The following FHL2 variants were observed in gnomAD, a reference collection of about 807,000 sequenced individuals.
FHL2 encodes the protein four and a half LIM domains protein 2.
FHL2 carries 20 observed loss-of-function variants against 32.7 expected under a neutral mutation model. The observed-to-expected ratio is 0.61, with a 90% CI of 0.43 to 0.89. The LOEUF (loss-of-function observed/expected upper bound fraction) is 0.89. Among genes scored for constraint, FHL2 ranks in the 40% least tolerant of loss-of-function variants. The pLI is 0.00. For missense variants in FHL2, 311 were observed against 358.6 expected (o/e 0.87, Z 1.07); for synonymous variants, 123 against 128.1 (o/e 0.96, Z 0.27).
chr2:105,428,104 G>A (rs1157642415), intron 1 of FHL2, among the ~76,000 whole-genome samples: 1 of 152,196 alleles, frequency 6.6e-6, no homozygotes, highest in Admixed American at 6.5e-5. Flanking sequence ...AGAACTCATG[G>A]TCATAAAAGG....
intron 1 of FHL2, among the ~76,000 whole-genome samples, chr2:105,407,002 G>A (rs917391362): frequency 3.3e-5 from 5 of 152,234 alleles, no homozygotes; most frequent in African/African-American, 1.2e-4. Flanking sequence ...AGAGGAGACT[G>A]TGAGCTCCTT....
intron 1 of FHL2, among the ~76,000 whole-genome samples, chr2:105,407,699 G>A (rs1179505931): frequency 6.6e-6 from 1 of 152,170 alleles, no homozygotes; most frequent in African/African-American, 2.4e-5. Flanking sequence ...AGGCTGCAGG[G>A]AAGTGTGCAT....
chr2:105,404,109 A>G (rs1683557294), upstream of FHL2, among the ~76,000 whole-genome samples: 1 of 152,206 alleles, frequency 6.6e-6, no homozygotes, highest in Admixed American at 6.5e-5. Flanking sequence ...CACCATTACC[A>G]GGTAGAAAGT....
upstream of FHL2, chr2:105,399,212 C>T (rs1385115969): frequency 2.6e-6 from 4 of 1,523,216 alleles, no homozygotes; most frequent in Non-Finnish European, 3.5e-6. Flanking sequence ...GCGGCGGTCC[C>T]GGCCCGTACC....
At chr2:105,401,147 G>C (rs1248877487), upstream of FHL2, among the ~76,000 whole-genome samples, 2 of 143,240 alleles carry the variant, frequency 1.4e-5, no homozygotes, top group East Asian at 2.0e-4. Flanking sequence ...AGACAACCTT[G>C]GAAAATATGA....
intron 2 of FHL2, among the ~76,000 whole-genome samples, chr2:105,388,850 T>C (rs1284844099): frequency 6.7e-6 from 1 of 150,140 alleles, no homozygotes; most frequent in African/African-American, 2.4e-5. Flanking sequence ...AAAAAATAGG[T>C]ACACTGGTTG....
At chr2:105,418,296 A>G (rs1241804474) in intron 1 of FHL2, among the ~76,000 whole-genome samples, 1 of 152,150 alleles carries the variant, frequency 6.6e-6, no homozygotes, top group East Asian at 1.9e-4. Context: ...CTGGTTTGAA[A>G]GATGTGGGGA....
Position 105,399,022 on chromosome 2 carries a change from T to A in FHL2, c.-256A>T. ...GACGGGGCTGGAGGGCGCGGGCGGC[T>A]GGTGGCTGCGGCTCCGCTGCCGGCC... On this transcript the variant is annotated 5_prime_UTR_variant, in exon 1 of 7. Transcript: ENST00000530340. 2.7e-6 allele frequency: 4 copies of A among 1,495,200 alleles called. No individual in the cohort carries two copies. Among genetic ancestry groups the A allele is most frequent in the Non-Finnish European group, 3.6e-6 (4 of 1,125,500 alleles). 92.6% of individuals were successfully genotyped at this position (1,495,200 alleles called of 1,614,324 possible).
chr2:105,359,428 T>C (rs1346033348), downstream of FHL2: 1 of 152,222 alleles, frequency 6.6e-6, no homozygotes, highest in East Asian at 1.9e-4. Flanking sequence ...ATTCTAACAG[T>C]GACTAACACT....
chr2:105,371,546 A>ATCTCTCTCTCTCTCTCTCTCTC (rs10701119), intron 4 of FHL2, among the ~76,000 whole-genome samples: 1 of 140,970 alleles, frequency 7.1e-6, no homozygotes, highest in Non-Finnish European at 1.5e-5. Flanking sequence ...ATCCCTTGAA[A>ATCTCTCTCTCTCTCTCTCTCTC]TCTCTCTCTC....
rs1323794974 is a variant in FHL2 at position 105,396,645 on chromosome 2, AC to A, written c.-25+1del. The A allele has an allele frequency of 6.2e-7, 1 of 1,612,212 alleles. No individual in the cohort carries two copies. Among genetic ancestry groups the A allele is most frequent in the Non-Finnish European group, 8.5e-7 (1 of 1,179,300 alleles). ...ATAACAGAGGAAATTCACTTGACTC[AC>A]CCCAAAGTCAAAATGCCAGCCTAGT... On this transcript the variant is annotated splice_donor_variant, in intron 2 of 6. Coordinates refer to ENST00000530340, the MANE Select transcript of FHL2 (RefSeq NM_001318895.3). LOFTEE classifies it low-confidence loss of function (5UTR_SPLICE).
intron 1 of FHL2, among the ~76,000 whole-genome samples, chr2:105,428,386 C>T (rs780885261): frequency 2.0e-5 from 3 of 152,352 alleles, no homozygotes; most frequent in Non-Finnish European, 2.9e-5. Context: ...TTCCCTGCAA[C>T]CCCACTTCTT....
chr2:105,433,614 C>T (rs572361219), intron 1 of FHL2, among the ~76,000 whole-genome samples: 2 of 152,146 alleles, frequency 1.3e-5, no homozygotes, highest in Non-Finnish European at 2.9e-5. Context: ...GCCCCTTTGC[C>T]TCTCAGTGCC....
chr2:105,393,187 T>C (rs1018109568), intron 2 of FHL2, among the ~76,000 whole-genome samples: 18 of 152,134 alleles, frequency 1.2e-4, no homozygotes, highest in Non-Finnish European at 4.4e-5. Flanking sequence ...ACTACCTACT[T>C]TGATCTGACC....
chr2:105,393,325 C>T (rs569757299), intron 2 of FHL2, among the ~76,000 whole-genome samples: 1 of 152,276 alleles, frequency 6.6e-6, no homozygotes, highest in East Asian at 1.9e-4. Context: ...CAAGCCCTTC[C>T]TGCATGCAGC....
chr2:105,377,785 T>G, intron 3 of FHL2: 2 of 308,286 alleles, frequency 6.5e-6, no homozygotes, highest in South Asian at 2.9e-5. Flanking sequence ...GACCCAAGAG[T>G]CACTGTCTGG....
intron 2 of FHL2, among the ~76,000 whole-genome samples, chr2:105,389,166 A>G (rs758904908): frequency 3.9e-5 from 6 of 152,000 alleles, no homozygotes; most frequent in Non-Finnish European, 5.9e-5. Context: ...CTTCTAAATC[A>G]CTCTTCCTGG....
At chr2:105,410,707 G>A (rs1260519829) in intron 1 of FHL2, among the ~76,000 whole-genome samples, 1 of 152,156 alleles carries the variant, frequency 6.6e-6, no homozygotes, top group African/African-American at 2.4e-5. Context: ...TGTGTGGTAT[G>A]TGCGTCTTCC....
rs138185591 is a variant in FHL2, at chr2:105,419,303, G to A, written c.-25+19096C>T. 1.9e-4 allele frequency among the ~76,000 whole-genome samples: 29 copies of A among 152,248 alleles called. No homozygotes were observed. In the East Asian group the frequency reaches 4.6e-3, roughly 24 times the overall value. ...TGATTTGTGAAATTTGGGTGCACCC[G>A]TCACCCAAGCAGTAGACACTGCACC... On this transcript the variant is annotated intron_variant, in intron 1 of 5. Coordinates refer to the FHL2 transcript ENST00000393352.
Sources: allele counts gnomAD v4.1 joint callset (sites outside exome capture counted in the v4.1 genomes callset), GRCh38; gene constraint gnomAD v4.1.1; transcripts MANE v1.5; gene names NCBI Gene and HGNC (gene_info 2026-07-23, HGNC 2026-07-21).